Variants in SLC2A14 observed in about 807,000 individuals in gnomAD.
SLC2A14 encodes solute carrier family 2 member 14.
A neutral mutation model predicts 43.0 loss-of-function variants in SLC2A14; 13 were observed. The ratio of observed to expected loss-of-function variants is 0.30; its 90% CI spans 0.20 to 0.48. The LOEUF is 0.48. SLC2A14 is among the 20% of genes least tolerant of loss of function. The pLI is 0.99. For synonymous variants in SLC2A14, 190 were observed against 233.8 expected (o/e 0.81, Z 1.71); for missense variants, 428 against 620.4 (o/e 0.69, Z 3.29).
At chr12:7,871,471 C>T (rs935769803) in intron 1 of SLC2A14, 1 of 170,912 alleles carries the variant, frequency 5.9e-6, no homozygotes, top group African/African-American at 2.4e-5. Flanking sequence ...CCACGACCTT[C>T]TCTCAGGGGA....
upstream of SLC2A14, chr12:7,872,960 T>C: frequency 1.0e-6 from 1 of 985,436 alleles, no homozygotes; most frequent in Non-Finnish European, 1.2e-6. Flanking sequence ...TCCGTTAATG[T>C]GGTTACAAAA....
rs753238548 is a variant in SLC2A14 at position 7,864,370 on chromosome 12, C to T, written c.18+5493G>A. On this transcript the variant is annotated intron_variant, in intron 2 of 10. Transcript: ENST00000431042. ...GTTATTGTTGTTTGAGATGGAGTCT[C>T]GCTCTGTCGCCCAGGCTGAGTGCAG... Among the ~76,000 whole-genome samples, 8 of 152,100 alleles carry T rather than the reference C, an allele frequency of 5.3e-5. No homozygotes were observed. In the South Asian group the frequency reaches 1.5e-3, roughly 28 times the overall value.
At chr12:7,877,207 A>T (rs1945478202), upstream of SLC2A14, among the ~76,000 whole-genome samples, 1 of 152,054 alleles carries the variant, frequency 6.6e-6, no homozygotes, top group Non-Finnish European at 1.5e-5. Context: ...AATGTTGGCC[A>T]GGCTGGTCTT....
chr12:7,885,414 G>A lies in SLC2A14; in HGVS notation c.132+5582C>T, dbSNP rs774951923. On this transcript the variant is annotated intron_variant, in intron 1 of 9. Transcript: ENST00000539924. ...CAGGAGAGGGAGGTTGCAGTGAGCCGAGATAATGCCATGGCACTCCAGCCT... is the reference window on the plus strand; with the variant it reads ...CAGGAGAGGGAGGTTGCAGTGAGCCAAGATAATGCCATGGCACTCCAGCCT... Among the ~76,000 whole-genome samples, 50 of 152,096 alleles carry A rather than the reference G, an allele frequency of 3.3e-4. 1 individual carries two copies. In the South Asian group the frequency reaches 9.1e-3, roughly 28 times the overall value.
chr12:7,817,777 T>A (rs773518908), intron 10 of SLC2A14, 54 bp downstream of exon 10: 1 of 1,587,314 alleles, frequency 6.3e-7, no homozygotes, highest in African/African-American at 1.4e-5. Context: ...GATAGATAGA[T>A]AGACAGATAC....
Position 7,830,072 on chromosome 12 carries a change from G to A in SLC2A14, c.273-66C>T, listed in dbSNP as rs1171040398. On this transcript the variant is annotated intron_variant, in intron 4 of 10. Transcript: ENST00000431042. ...AGAGGCTCCTAACTTCTCCTCTTCT[G>A]TACTCATTATTCTGCTCTTCTCCAG... 4 of 1,594,944 alleles carry A rather than the reference G, an allele frequency of 2.5e-6. No individual in the cohort carries two copies. In the African/African-American group the frequency reaches 5.4e-5, roughly 21 times the overall value.
At chr12:7,845,383 A>G (rs1018764129) in intron 2 of SLC2A14, among the ~76,000 whole-genome samples, 9 of 152,190 alleles carry the variant, frequency 5.9e-5, no homozygotes, top group African/African-American at 2.2e-4. Flanking sequence ...TGTACTATGT[A>G]TGTCAACTGT....
chr12:7,849,970 C>G (rs1416775253), intron 2 of SLC2A14, among the ~76,000 whole-genome samples: 3 of 150,162 alleles, frequency 2.0e-5, no homozygotes, highest in Non-Finnish European at 3.0e-5. Flanking sequence ...TGCAGGGAAC[C>G]CAAAGTCCCT....
chr12:7,878,212 G>C (rs948700456), upstream of SLC2A14, among the ~76,000 whole-genome samples: 20 of 151,870 alleles, frequency 1.3e-4, no homozygotes, highest in African/African-American at 4.1e-4. Context: ...CACCACGCCT[G>C]GCTAAGTTTT....
At position 7,830,017 on chromosome 12, in the gene SLC2A14, A is replaced by G. The variant is rs1018579069; in HGVS notation, c.273-11T>C. 16 of 1,613,790 alleles carry G rather than the reference A, an allele frequency of 9.9e-6. No homozygotes were observed. The highest frequency in any genetic ancestry group is 1.3e-5 in the Non-Finnish European group (15 of 1,179,762). On this transcript the variant is annotated splice_polypyrimidine_tract_variant and intron_variant, in intron 4 of 10. Transcript: ENST00000431042. ...AGCATTGAATTGCGCCTGTAAGGTT[A>G]ATCAAAGACAACATGGAATTAGCAA... is the stretch of plus-strand genomic sequence containing the variant.
At chr12:7,876,848 C>T (rs1384503281), upstream of SLC2A14, among the ~76,000 whole-genome samples, 2 of 151,976 alleles carry the variant, frequency 1.3e-5, no homozygotes, top group South Asian at 4.2e-4. Flanking sequence ...CCCAGCTACT[C>T]AGGAGGCTAA....
chr12:7,882,856 T>C (rs1945611637), intron 1 of SLC2A14, among the ~76,000 whole-genome samples: 1 of 150,136 alleles, frequency 6.7e-6, no homozygotes, highest in South Asian at 2.1e-4. Flanking sequence ...TTGAGACTTG[T>C]TCACCACTTG....
At position 7,814,273 on chromosome 12, in the gene SLC2A14, G is replaced by C; in HGVS notation, c.*43C>G. On this transcript the variant is annotated 3_prime_UTR_variant, in exon 11 of 11. Transcript: ENST00000431042. ...AAAGTCTCTCCCTTGTTGAGGGAGA[G>C]GTGGCTTTCCCATGCCGGGAGGGAG... is the stretch of plus-strand genomic sequence containing the variant. The C allele has an allele frequency of 6.7e-7, 1 of 1,494,964 alleles. No homozygotes were observed. The highest frequency in any genetic ancestry group is 9.2e-7 in the Non-Finnish European group (1 of 1,088,716). The allele number at this position is 1,494,964 out of a possible 1,614,324, so 92.6% of individuals were successfully genotyped here.
At chr12:7,877,511 C>T (rs1480097604), upstream of SLC2A14, among the ~76,000 whole-genome samples, 1 of 151,928 alleles carries the variant, frequency 6.6e-6, no homozygotes, top group Non-Finnish European at 1.5e-5. Context: ...CTGCAACCTC[C>T]ACCTCCCAAG....
At chr12:7,874,789 A>G (rs1592324219), upstream of SLC2A14, among the ~76,000 whole-genome samples, 1 of 23,844 alleles carries the variant, frequency 4.2e-5, no homozygotes, top group East Asian at 2.1e-3. Context: ...AAATATATAA[A>G]TATATAAATA....
chr12:7,839,617 G>C (rs1865757398), intron 2 of SLC2A14: 1 of 282,898 alleles, frequency 3.5e-6, no homozygotes, highest in Non-Finnish European at 7.0e-6. Context: ...CTGTTGAATG[G>C]AGAAGATGCT....
chr12:7,874,728 A>ACATATAAATACAT (rs1565584309), upstream of SLC2A14, among the ~76,000 whole-genome samples: 6 of 31,088 alleles, frequency 1.9e-4, no homozygotes, highest in African/African-American at 5.7e-4. Context: ...AAATATATAA[A>ACATATAAATACAT]AAATATATAA....
Position 7,883,178 on chromosome 12 carries a change from C to T in SLC2A14, c.132+7818G>A, listed in dbSNP as rs578158251. 1.4e-4 allele frequency among the ~76,000 whole-genome samples: 22 copies of T among 152,006 alleles called. 1 individual carries two copies. The South Asian group carries it at 4.4e-3, about 30-fold the overall frequency. On this transcript the variant is annotated intron_variant, in intron 1 of 9. Transcript: ENST00000539924. ...GAGCCAAGATCATGCCATTGCACTC[C>T]AGTCTGGGTGACAAAAGCAAGTCTC...
chr12:7,881,634 C>G (rs911756005), intron 1 of SLC2A14, among the ~76,000 whole-genome samples: 14 of 152,166 alleles, frequency 9.2e-5, no homozygotes, highest in Non-Finnish European at 1.3e-4. Flanking sequence ...CCAGTCCCAT[C>G]GACCACCCAA....
Sources: gnomAD v4.1 joint callset for allele counts (sites outside exome capture counted in the v4.1 genomes callset) on GRCh38, gnomAD v4.1.1 for gene constraint, MANE v1.5 for transcripts, NCBI Gene and HGNC (gene_info 2026-07-23, HGNC 2026-07-21) for gene names.